The following DRC3 variants were observed in gnomAD, a reference collection of about 807,000 sequenced individuals.
DRC3 encodes dynein regulatory complex subunit 3, also known as leucine rich repeat containing 48.
Under a neutral mutation model 57.6 loss-of-function variants are expected in DRC3, and 45 were observed. The ratio of observed to expected loss-of-function variants is 0.78; its 90% CI spans 0.62 to 1.00. The LOEUF is 1.00. Among genes scored for constraint, DRC3 ranks in the 50% least tolerant of loss-of-function variants. DRC3 has a pLI of 0.00. For synonymous variants in DRC3, 257 were observed against 272.3 expected (o/e 0.94, Z 0.55); for missense variants, 655 against 675.2 (o/e 0.97, Z 0.33).
chr17:17,978,633 G>A (rs1043254368), intron 3 of DRC3, among the ~76,000 whole-genome samples: 12 of 152,214 alleles, frequency 7.9e-5, no homozygotes, highest in Non-Finnish European at 1.3e-4. Flanking sequence ...CCAGGGACAC[G>A]ACAGTGGGCA....
At chr17:18,012,787 A>T (rs1440393000) in intron 12 of DRC3, among the ~76,000 whole-genome samples, 1 of 152,222 alleles carries the variant, frequency 6.6e-6, no homozygotes, top group Non-Finnish European at 1.5e-5. Context: ...AGACCTCAAA[A>T]GCACAGACAA....
chr17:18,005,883 G>C, intron 10 of DRC3: 1 of 370,086 alleles, frequency 2.7e-6, no homozygotes, highest in South Asian at 3.1e-5. Flanking sequence ...GGTTGGCTGT[G>C]TGTGTGTGTG....
At chr17:17,979,628 G>C (rs531116495) in intron 3 of DRC3, among the ~76,000 whole-genome samples, 4 of 152,304 alleles carry the variant, frequency 2.6e-5, no homozygotes, top group Admixed American at 2.6e-4. Flanking sequence ...CTCCTGAACT[G>C]CTGACACCTG....
At chr17:17,983,785 T>TC (rs1161736076) in intron 3 of DRC3, 43 bp from the exon 4 acceptor site, 1 of 1,451,216 alleles carries the variant, frequency 6.9e-7, no homozygotes, top group African/African-American at 1.4e-5. Context: ...AGCACAAAAC[T>TC]CTGACCCTAA....
At chr17:17,990,376 C>T (rs1477231455) in intron 5 of DRC3, among the ~76,000 whole-genome samples, 1 of 152,248 alleles carries the variant, frequency 6.6e-6, no homozygotes, top group Non-Finnish European at 1.5e-5. Flanking sequence ...GAATCAGCCC[C>T]TGACCTTGTC....
At chr17:18,003,533 C>T (rs1434825165) in intron 9 of DRC3, among the ~76,000 whole-genome samples, 2 of 146,998 alleles carry the variant, frequency 1.4e-5, no homozygotes, top group Non-Finnish European at 3.0e-5. Flanking sequence ...TTTCTTTCCT[C>T]CTGGTACAGG....
At chr17:17,979,943 G>T (rs1467653691) in intron 3 of DRC3, among the ~76,000 whole-genome samples, 1 of 151,924 alleles carries the variant, frequency 6.6e-6, no homozygotes, top group East Asian at 1.9e-4. Context: ...GGCTCTAGGG[G>T]AAGGGCAGTC....
At chr17:17,983,557 A>G (rs955090558) in intron 3 of DRC3, among the ~76,000 whole-genome samples, 3 of 152,122 alleles carry the variant, frequency 2.0e-5, no homozygotes, top group Non-Finnish European at 4.4e-5. Context: ...AGCCAGGTCC[A>G]GCTCACTTCC....
At chr17:18,007,886 G>A (rs1195665562) in intron 12 of DRC3, 6 of 1,000,996 alleles carry the variant, frequency 6.0e-6, no homozygotes, top group Non-Finnish European at 6.0e-6. Flanking sequence ...AGCCACCATC[G>A]TCCTTGGCCT....
At chr17:17,974,569 T>C (rs1194508767) in intron 2 of DRC3, among the ~76,000 whole-genome samples, 2 of 152,142 alleles carry the variant, frequency 1.3e-5, no homozygotes, top group African/African-American at 4.8e-5. Flanking sequence ...CCTAGGTGCT[T>C]TCCAGGGATT....
At chr17:17,980,028 C>A (rs2042584253) in intron 3 of DRC3, among the ~76,000 whole-genome samples, 1 of 151,988 alleles carries the variant, frequency 6.6e-6, no homozygotes, top group Non-Finnish European at 1.5e-5. Flanking sequence ...CCCACCCAGC[C>A]CTGGGAACCC....
intron 5 of DRC3, 116 bp from the exon 6 acceptor site, chr17:17,992,649 T>G (rs2043285215): frequency 8.8e-7 from 1 of 1,135,552 alleles, no homozygotes; most frequent in Non-Finnish European, 1.2e-6. Flanking sequence ...CCCACCCCAG[T>G]GCTGATGGTG....
intron 4 of DRC3, among the ~76,000 whole-genome samples, chr17:17,985,545 C>T (rs2042917866): frequency 1.3e-5 from 2 of 152,198 alleles, no homozygotes; most frequent in African/African-American, 4.8e-5. Flanking sequence ...TCAGCACGAC[C>T]TCCCACACTG....
intron 10 of DRC3, chr17:18,005,907 T>G (rs1597631519): frequency 9.5e-6 from 4 of 422,686 alleles, no homozygotes; most frequent in South Asian, 5.3e-5. Flanking sequence ...GGCAGGCAGG[T>G]AAGGGGAGTA....
intron 4 of DRC3, among the ~76,000 whole-genome samples, chr17:17,986,727 G>A (rs2042978931): frequency 6.6e-6 from 1 of 151,866 alleles, no homozygotes; most frequent in Non-Finnish European, 1.5e-5. Context: ...GCCTCCCAGA[G>A]TGCTGGGATT....
chr17:18,012,162 A>G (rs1222836886), intron 12 of DRC3, among the ~76,000 whole-genome samples: 17 of 152,228 alleles, frequency 1.1e-4, no homozygotes, highest in Non-Finnish European at 2.1e-4. Flanking sequence ...AAACACAGAT[A>G]CATAAACCAA....
chr17:18,015,722 T>G, intron 12 of DRC3: 1 of 217,344 alleles, frequency 4.6e-6, no homozygotes, highest in Non-Finnish European at 9.4e-6. Context: ...GACTTGAGAG[T>G]AATTGAGAGA....
intron 9 of DRC3, among the ~76,000 whole-genome samples, chr17:18,003,038 CAG>C (rs1207532826): frequency 6.6e-6 from 1 of 152,122 alleles, no homozygotes; most frequent in Non-Finnish European, 1.5e-5. Flanking sequence ...CTTAGTTGGA[CAG>C]AGAGTAGTGA....
chr17:17,972,823 A>G (rs1312984073), upstream of DRC3: 3 of 153,934 alleles, frequency 1.9e-5, no homozygotes, highest in African/African-American at 7.2e-5. Context: ...GTGTTTCACC[A>G]CACGGAGATG....
Sources: gnomAD v4.1 joint callset for allele counts (sites outside exome capture counted in the v4.1 genomes callset) on GRCh38, gnomAD v4.1.1 for gene constraint, MANE v1.5 for transcripts, NCBI Gene and HGNC (gene_info 2026-07-23, HGNC 2026-07-21) for gene names.